Variants in PDE8B observed in about 807,000 individuals in gnomAD.
PDE8B encodes phosphodiesterase 8B.
In PDE8B, 26 loss-of-function variants were observed where a neutral mutation model predicts 101.3. That is an observed-to-expected ratio of 0.26 (90% CI 0.19 to 0.36). PDE8B has a LOEUF of 0.36. PDE8B is among the 10% of genes least tolerant of loss of function. The probability of loss-of-function intolerance (pLI) is 1.00; values close to 1 mark genes in which losing one functional copy is unlikely to be tolerated. For missense variants in PDE8B, 810 were observed against 1,163.1 expected, an observed-to-expected ratio of 0.70 and a Z score of 4.42; for synonymous variants, 424 against 429.3, an observed-to-expected ratio of 0.99 and a Z score of 0.15.
At chr5:77,129,164 T>TA in the PDE8B span, among the ~76,000 whole-genome samples, 764 of 151,820 alleles carry the variant, frequency 5.0e-3, 6 homozygotes, top group African/African-American at 0.018. Context: ...CCATCTAATT[T>TA]AAAAAAAAAT....
At chr5:77,252,677 A>G (rs548559442) in intron 1 of PDE8B, among the ~76,000 whole-genome samples, 2 of 152,120 alleles carry the variant, frequency 1.3e-5, no homozygotes, top group African/African-American at 4.8e-5. Flanking sequence ...CCTTTTTCCT[A>G]TATAAGAACT....
chr5:77,244,030 G>A (rs545023639), intron 1 of PDE8B, among the ~76,000 whole-genome samples: 1 of 151,656 alleles, frequency 6.6e-6, no homozygotes, highest in Non-Finnish European at 1.5e-5. Flanking sequence ...CAGGGTATGT[G>A]GGAGAGTTGA....
At chr5:77,149,802 G>A in the PDE8B span, among the ~76,000 whole-genome samples, 2 of 152,124 alleles carry the variant, frequency 1.3e-5, no homozygotes, top group Non-Finnish European at 2.9e-5. Context: ...TCTGCAAATA[G>A]AAGCAGTTTT....
intron 6 of PDE8B, among the ~76,000 whole-genome samples, chr5:77,341,686 C>T (rs1343781237): frequency 1.3e-5 from 2 of 152,224 alleles, no homozygotes. Flanking sequence ...CCCTACAGTG[C>T]TTCGTCCAGT....
chr5:77,126,151 T>C, the PDE8B span, among the ~76,000 whole-genome samples: 1 of 151,954 alleles, frequency 6.6e-6, no homozygotes, highest in Non-Finnish European at 1.5e-5. Context: ...CCAGGTGTGG[T>C]GGTGGGCACC....
At chr5:77,238,463 G>A (rs2149527220) in intron 1 of PDE8B, among the ~76,000 whole-genome samples, 1 of 152,150 alleles carries the variant, frequency 6.6e-6, no homozygotes, top group Non-Finnish European at 1.5e-5. Flanking sequence ...AATCTTTCCA[G>A]TTGGTTCAAG....
intron 1 of PDE8B, among the ~76,000 whole-genome samples, chr5:77,305,779 G>A (rs1771063541): frequency 6.6e-6 from 1 of 152,224 alleles, no homozygotes. Flanking sequence ...TTAAATCAGA[G>A]CCAACAGGGC....
the PDE8B span, among the ~76,000 whole-genome samples, chr5:77,182,153 G>C: frequency 6.6e-6 from 1 of 152,016 alleles, no homozygotes; most frequent in South Asian, 2.1e-4. Flanking sequence ...GGAAGGCTCA[G>C]AGCCTTTAAT....
At chr5:77,153,699 G>A in the PDE8B span, among the ~76,000 whole-genome samples, 4 of 150,792 alleles carry the variant, frequency 2.7e-5, no homozygotes, top group East Asian at 1.9e-4. Context: ...CTCAGCCTCC[G>A]GAGTAGCTGG....
At chr5:77,341,853 A>G (rs187659314) in intron 6 of PDE8B, among the ~76,000 whole-genome samples, 35 of 152,352 alleles carry the variant, frequency 2.3e-4, no homozygotes, top group African/African-American at 7.5e-4. Flanking sequence ...CTAAGACAGT[A>G]TACAGTTCAA....
At chr5:77,241,951 A>G (rs1755852057) in intron 1 of PDE8B, among the ~76,000 whole-genome samples, 1 of 152,178 alleles carries the variant, frequency 6.6e-6, no homozygotes, top group Admixed American at 6.5e-5. Flanking sequence ...AAACTTTCTC[A>G]TGGTTCAAAT....
the PDE8B span, among the ~76,000 whole-genome samples, chr5:77,103,201 C>T: frequency 1.3e-5 from 2 of 152,120 alleles, no homozygotes; most frequent in Non-Finnish European, 2.9e-5. Context: ...ATTATTTGAC[C>T]TTGGTTTAAT....
chr5:77,266,524 G>T (rs903417854), intron 1 of PDE8B, among the ~76,000 whole-genome samples: 1 of 152,132 alleles, frequency 6.6e-6, no homozygotes, highest in Non-Finnish European at 1.5e-5. Flanking sequence ...CATGAGTCAT[G>T]GTGCTGTTGT....
the PDE8B span, among the ~76,000 whole-genome samples, chr5:77,168,002 C>T: frequency 2.0e-5 from 3 of 152,124 alleles, no homozygotes; most frequent in African/African-American, 7.2e-5. Flanking sequence ...TCACTGCTGA[C>T]GTCAAGCTAG....
chr5:77,119,322 GCCC>G, the PDE8B span: 3 of 152,074 alleles, frequency 2.0e-5, no homozygotes, highest in Admixed American at 6.6e-5. Context: ...CTAGATATTT[GCCC>G]AGCAGAAATG....
the PDE8B span, among the ~76,000 whole-genome samples, chr5:77,123,538 G>C: frequency 6.6e-6 from 1 of 151,856 alleles, no homozygotes; most frequent in Non-Finnish European, 1.5e-5. Context: ...TGGGTAGATC[G>C]CTTGAGCCCA....
chr5:77,257,364 A>G (rs549704061), intron 1 of PDE8B, among the ~76,000 whole-genome samples: 101 of 152,330 alleles, frequency 6.6e-4, no homozygotes, highest in Non-Finnish European at 1.4e-3. Context: ...GAAAGCTTAA[A>G]AGTATAGAAA....
the PDE8B span, among the ~76,000 whole-genome samples, chr5:77,187,212 C>T: frequency 6.6e-6 from 1 of 152,172 alleles, no homozygotes; most frequent in Admixed American, 6.5e-5. Flanking sequence ...TTATTGTTTA[C>T]ACAGGGAGTC....
chr5:77,206,283 A>G (rs181610560), upstream of PDE8B, among the ~76,000 whole-genome samples: 28 of 152,354 alleles, frequency 1.8e-4, no homozygotes, highest in African/African-American at 6.5e-4. Flanking sequence ...CCAATATTCT[A>G]GTGGGAGAAG....
Sources: allele counts gnomAD v4.1 joint callset (sites outside exome capture counted in the v4.1 genomes callset), GRCh38; gene constraint gnomAD v4.1.1; transcripts MANE v1.5; gene names NCBI Gene and HGNC (gene_info 2026-07-23, HGNC 2026-07-21).